The following HDAC2 variants were observed in gnomAD, a reference collection of about 807,000 sequenced individuals.
HDAC2 encodes YY1-associated factor 1.
Under a neutral mutation model 68.5 loss-of-function variants are expected in HDAC2, and 5 were observed. The ratio of observed to expected loss-of-function variants is 0.07; its 90% CI spans 0.04 to 0.15. HDAC2 has a LOEUF of 0.15. Ranked by LOEUF, HDAC2 falls within the 10% of genes least tolerant of loss-of-function variation. The pLI, the probability that HDAC2 is intolerant of heterozygous loss-of-function variation, is 1.00. For missense variants in HDAC2, 291 were observed against 600.8 expected, an observed-to-expected ratio of 0.48 and a Z score of 5.39; for synonymous variants, 182 against 191.3, an observed-to-expected ratio of 0.95 and a Z score of 0.40.
In HDAC2 at chr6:113,933,782, T is replaced by TACAC. The variant is rs748133691; in HGVS notation, c.*7272_*7275dup. 2.0e-5 allele frequency: 3 copies of TACAC among 151,876 alleles called. No individual in the cohort carries two copies. Among genetic ancestry groups the TACAC allele is most frequent in the Admixed American group, 6.6e-5 (1 of 15,236 alleles). The allele number at this position is 151,876 out of a possible 1,614,324, so 9.4% of individuals were successfully genotyped here. On this transcript the variant is annotated 3_prime_UTR_variant, in exon 14 of 14. Coordinates refer to ENST00000519065, the MANE Select transcript of HDAC2 (RefSeq NM_001527.4). Reference sequence around the variant, plus strand: ...GTGTATGTATATTATATAATATACATACACACACATATATACACATGTATA... The same window carrying TACAC: ...GTGTATGTATATTATATAATATACATACACACACACACATATATACACATGTATA...
Position 113,943,416 on chromosome 6 carries a change from T to C in HDAC2, c.1313A>G (p.His438Arg). 6.2e-7 allele frequency: 1 copy of C among 1,611,368 alleles called. No homozygotes were observed. Among genetic ancestry groups the C allele is most frequent in the Non-Finnish European group, 8.5e-7 (1 of 1,179,190 alleles). ...TCTAGCTTTCTTTGCTCCTTTCTTA[T>C]GATCAGCCACATTTCTTCGACCTCC... The part of the protein sequence containing the change: ...GEGGRRNVAD[H>R]KKGAKKARIE... The change falls in exon 12 of 14, where the codon CAT (histidine) becomes CGT (arginine). Residue 438 changes from histidine to arginine, a missense_variant. Physicochemically the swap from His to Arg is conservative, Grantham distance 29 (BLOSUM62 0). Coordinates refer to ENST00000519065, the MANE Select transcript of HDAC2 (RefSeq NM_001527.4).
chr6:113,934,866 TG>T lies in HDAC2; in HGVS notation c.*6191del, dbSNP rs1181757004. ...ACAATAACAATGCTTATTTGATTGT[TG>T]GGGAAGGTGACAGCTAGTAATACGT... is the stretch of plus-strand genomic sequence containing the variant. On this transcript the variant is annotated 3_prime_UTR_variant, in exon 14 of 14. Coordinates refer to ENST00000519065, the MANE Select transcript of HDAC2 (RefSeq NM_001527.4). 6.6e-6 allele frequency: 1 copy of T among 152,214 alleles called. No homozygotes were observed. 9.4% of individuals were successfully genotyped at this position (152,214 alleles called of 1,614,324 possible). A position where few individuals can be genotyped will look rare whatever the true frequency, so the allele number is the denominator to read the frequency against.
chr6:113,944,481 A>C (rs1776222281), intron 10 of HDAC2, 71 bp from the exon 11 acceptor site: 1 of 1,360,218 alleles, frequency 7.4e-7, no homozygotes, highest in South Asian at 1.2e-5. Flanking sequence ...AAGAGAAAAT[A>C]TTTAGCAAAA....
rs879031774 is a variant in HDAC2 at position 113,958,826 on chromosome 6, A to C, written c.166-60T>G. 36 of 953,156 alleles carry C rather than the reference A, an allele frequency of 3.8e-5. No homozygotes were observed. The South Asian group carries it at 4.9e-4, about 13-fold the overall frequency. The allele number at this position is 953,156 out of a possible 1,614,324, so 59.0% of individuals were successfully genotyped here. A position where few individuals can be genotyped will look rare whatever the true frequency, so the allele number is the denominator to read the frequency against. ...TACAACCGGTTATATCAGTATTATC[A>C]AACAAATATACAAATTCCCCTATCG... On this transcript the variant is annotated intron_variant, in intron 2 of 13. Coordinates refer to ENST00000519065, the MANE Select transcript of HDAC2 (RefSeq NM_001527.4).
intron 2 of HDAC2, among the ~76,000 whole-genome samples, chr6:113,959,125 A>C (rs1776621754): frequency 6.6e-6 from 1 of 152,024 alleles, no homozygotes; most frequent in South Asian, 2.1e-4. Flanking sequence ...ATCACTCACT[A>C]CAAGAGTTTT....
intron 1 of HDAC2, among the ~76,000 whole-genome samples, chr6:113,967,633 A>G (rs575157763): frequency 1.3e-5 from 2 of 152,324 alleles, no homozygotes; most frequent in East Asian, 3.9e-4. Context: ...AGCACTAAAT[A>G]TGTTTGGCCT....
At position 113,970,527 on chromosome 6, in the gene HDAC2, C is replaced by T. The variant is rs577378901; in HGVS notation, c.52+330G>A. 2.7e-5 allele frequency: 32 copies of T among 1,201,338 alleles called. No individual in the cohort carries two copies. The South Asian group carries it at 8.4e-4, about 31-fold the overall frequency. 74.4% of individuals were successfully genotyped at this position (1,201,338 alleles called of 1,614,324 possible). ...CGGGAGAAGGGAGAGAATGGGCCGC[C>T]CCCTTCGCCGCCGCCACCACCAAGG... On this transcript the variant is annotated intron_variant, in intron 1 of 13. Transcript: ENST00000519065.
At chr6:113,970,406 A>G (rs1776957684) in intron 1 of HDAC2, 3 of 992,216 alleles carry the variant, frequency 3.0e-6, no homozygotes, top group Middle Eastern at 5.0e-4. Flanking sequence ...GTGTAGAGTC[A>G]AGGCCGGGAT....
Position 113,953,377 on chromosome 6 carries a change from T to C in HDAC2, c.539A>G (p.His180Arg), listed in dbSNP as rs1562144936. ...RVLYIDIDIH[H>R]GDGVEEAFYT... is the part of the protein sequence containing the mutation. Reference sequence around the variant, plus strand: ...AAAAGCTTCTTCAACACCATCACCATGATGAATATCTATATCAATATATAA... The same window carrying C: ...AAAAGCTTCTTCAACACCATCACCACGATGAATATCTATATCAATATATAA... The change falls in exon 6 of 14, where the codon CAT (histidine) becomes CGT (arginine). Residue 180 changes from histidine (H) to arginine (R), a missense_variant. Coordinates refer to ENST00000519065, the MANE Select transcript of HDAC2 (RefSeq NM_001527.4). 3 of 1,567,804 alleles carry C rather than the reference T, an allele frequency of 1.9e-6. No homozygotes were observed. Among genetic ancestry groups the C allele is most frequent in the Non-Finnish European group, 2.6e-6 (3 of 1,138,358 alleles).
intron 8 of HDAC2, chr6:113,947,040 T>C (rs572294686): frequency 6.6e-6 from 1 of 152,318 alleles, no homozygotes; most frequent in Admixed American, 6.5e-5. Flanking sequence ...GGAATTTTCA[T>C]TAAGCATTCT....
At chr6:113,955,872 G>A (rs1776541605) in intron 5 of HDAC2, 141 bp downstream of exon 5, 1 of 603,130 alleles carries the variant, frequency 1.7e-6, no homozygotes, top group African/African-American at 1.9e-5. Context: ...TCATTGTTTT[G>A]TAATGAATTC....
chr6:113,952,187 G>A (rs891742248), intron 6 of HDAC2, among the ~76,000 whole-genome samples: 2 of 152,156 alleles, frequency 1.3e-5, no homozygotes, highest in African/African-American at 2.4e-5. Context: ...CAGTTTAGGC[G>A]CCACTGTTTG....
At chr6:113,948,835 A>G in intron 8 of HDAC2, 144 bp downstream of exon 8, 3 of 758,144 alleles carry the variant, frequency 4.0e-6, no homozygotes, top group Non-Finnish European at 6.2e-6. Context: ...CTAGTCATAC[A>G]TACAACAGAC....
chr6:113,956,671 T>A lies in HDAC2; in HGVS notation c.306A>T (p.Pro102=). The A allele has an allele frequency of 6.2e-7, 1 of 1,612,650 alleles. No individual in the cohort carries two copies. The highest frequency in any genetic ancestry group is 1.1e-5 in the South Asian group (1 of 91,020). The part of the protein sequence containing the change: ...MQRFNVGEDC[P]VFDGLFEFCQ... ...AAAACTCAAAGAGTCCATCAAACAC[T>A]GGACAATCTTCTCCAACATTAACTG... is the stretch of plus-strand genomic sequence containing the variant. The change falls in exon 4 of 14, where the codon CCA becomes CCT. Residue 102 remains proline, a synonymous_variant. Transcript: ENST00000519065.
chr6:113,961,291 C>T (rs549042648), intron 1 of HDAC2, among the ~76,000 whole-genome samples: 17 of 152,144 alleles, frequency 1.1e-4, no homozygotes, highest in Non-Finnish European at 2.2e-4. Context: ...TTTTTGTCCT[C>T]TCTCCTACAT....
intron 3 of HDAC2, chr6:113,957,264 T>A (rs1256239666): frequency 6.5e-6 from 1 of 152,872 alleles, no homozygotes; most frequent in Non-Finnish European, 1.5e-5. Flanking sequence ...AGGAAAACAT[T>A]TACAGATAAA....
In HDAC2 at chr6:113,933,065, T is replaced by C. The variant is rs1443065027; in HGVS notation, c.*7993A>G. On this transcript the variant is annotated 3_prime_UTR_variant, in exon 14 of 14. Coordinates refer to ENST00000519065, the MANE Select transcript of HDAC2 (RefSeq NM_001527.4). Reference sequence around the variant, plus strand: ...CTTTATTTGAGCTTTGTCTTTCCCATGTATATTTACATTATCTCAAAGCCA... The same window carrying C: ...CTTTATTTGAGCTTTGTCTTTCCCACGTATATTTACATTATCTCAAAGCCA... 2.0e-5 allele frequency: 3 copies of C among 152,200 alleles called. No individual in the cohort carries two copies. Among genetic ancestry groups the C allele is most frequent in the Admixed American group, 1.3e-4 (2 of 15,284 alleles). 9.4% of individuals were successfully genotyped at this position (152,200 alleles called of 1,614,324 possible).
chr6:113,942,426 C>A (rs1776157342), intron 12 of HDAC2, among the ~76,000 whole-genome samples: 1 of 90,984 alleles, frequency 1.1e-5, no homozygotes, highest in African/African-American at 5.3e-5. Flanking sequence ...TACTAACTCT[C>A]TAGTTTAAAA....
intron 3 of HDAC2, among the ~76,000 whole-genome samples, chr6:113,957,513 A>C (rs1776583554): frequency 6.7e-6 from 1 of 150,102 alleles, no homozygotes; most frequent in African/African-American, 2.5e-5. Context: ...ACAGAGTCTC[A>C]CTCTGTCGCC....
Sources: allele counts gnomAD v4.1 joint callset (sites outside exome capture counted in the v4.1 genomes callset), GRCh38; gene constraint gnomAD v4.1.1; transcripts MANE v1.5; gene names NCBI Gene and HGNC (gene_info 2026-07-23, HGNC 2026-07-21).